Variants in ME2 observed in about 807,000 individuals in gnomAD.
ME2 encodes the protein NAD-dependent malic enzyme, mitochondrial.
In ME2, 60 loss-of-function variants were observed where a neutral mutation model predicts 73.7. That is an observed-to-expected ratio of 0.81 (90% CI 0.66 to 1.01). The LOEUF is 1.01. Among genes scored for constraint, ME2 ranks in the 50% least tolerant of loss-of-function variants. The pLI is 0.00. For missense variants in ME2, 594 were observed against 705.5 expected (o/e 0.84, Z 1.79); for synonymous variants, 199 against 236.9 (o/e 0.84, Z 1.47).
chr18:50,907,290 G>T (rs1303117978), intron 2 of ME2, among the ~76,000 whole-genome samples: 1 of 152,134 alleles, frequency 6.6e-6, no homozygotes, highest in Non-Finnish European at 1.5e-5. Context: ...TAATTGTGAG[G>T]TGTTAGTTTT....
At chr18:50,911,744 A>G (rs1917162489) in intron 3 of ME2, among the ~76,000 whole-genome samples, 1 of 152,212 alleles carries the variant, frequency 6.6e-6, no homozygotes, top group South Asian at 2.1e-4. Context: ...GTAAGTCAAC[A>G]TGAAGAAGAT....
intron 13 of ME2, among the ~76,000 whole-genome samples, chr18:50,938,315 C>A (rs1314516813): frequency 1.6e-4 from 24 of 152,040 alleles, no homozygotes; most frequent in Admixed American, 1.6e-3. Context: ...CAGAGCGAGA[C>A]CCTGTTGCCA....
At chr18:50,891,640 A>G (rs1916607118) in intron 1 of ME2, among the ~76,000 whole-genome samples, 1 of 152,074 alleles carries the variant, frequency 6.6e-6, no homozygotes, top group Non-Finnish European at 1.5e-5. Context: ...CATGATCCCC[A>G]AAAGAATTCA....
intron 13 of ME2, chr18:50,939,358 C>A: frequency 2.2e-6 from 1 of 450,562 alleles, no homozygotes; most frequent in Admixed American, 3.9e-5. Flanking sequence ...CTGAGAAAAG[C>A]CATTTGATAT....
intron 2 of ME2, among the ~76,000 whole-genome samples, chr18:50,899,710 CCA>C (rs1245386389): frequency 6.6e-6 from 1 of 152,218 alleles, no homozygotes; most frequent in East Asian, 1.9e-4. Flanking sequence ...TAATTCCTCA[CCA>C]CACTGGGTGA....
chr18:50,911,356 T>G (rs1329413837), intron 3 of ME2, among the ~76,000 whole-genome samples: 1 of 152,198 alleles, frequency 6.6e-6, no homozygotes, highest in Non-Finnish European at 1.5e-5. Context: ...CGTCTCCTCA[T>G]TTATTCACCA....
At chr18:50,936,441 CAAAG>C (rs1315248492) in intron 13 of ME2, among the ~76,000 whole-genome samples, 1 of 151,932 alleles carries the variant, frequency 6.6e-6, no homozygotes, top group Non-Finnish European at 1.5e-5. Flanking sequence ...GAATGAAAAG[CAAAG>C]AAAGTTATGA....
At chr18:50,945,394 A>T (rs1918060927) in intron 15 of ME2, 1 of 152,260 alleles carries the variant, frequency 6.6e-6, no homozygotes, top group Non-Finnish European at 1.5e-5. Context: ...TGCTGGGATC[A>T]TAGGTGTGAG....
intron 2 of ME2, among the ~76,000 whole-genome samples, chr18:50,904,313 C>G (rs1468824330): frequency 6.7e-6 from 1 of 148,840 alleles, no homozygotes; most frequent in Non-Finnish European, 1.5e-5. Context: ...GAGTCTCACT[C>G]TGTCAGCCAG....
intron 12 of ME2, 56 bp from the exon 13 acceptor site, chr18:50,932,202 C>G: frequency 6.8e-7 from 1 of 1,473,544 alleles, no homozygotes; most frequent in Non-Finnish European, 9.5e-7. Context: ...GAATTCACCT[C>G]AATTTTCTCA....
At chr18:50,941,353 CTTTTTTTTTTTTTTTTTT>C (rs57428974) in intron 15 of ME2, among the ~76,000 whole-genome samples, 4 of 63,848 alleles carry the variant, frequency 6.3e-5, no homozygotes, top group East Asian at 5.3e-4. Flanking sequence ...GTGATGGTTT[CTTTTTTTTTTTTTTTTTT>C]TTTTTTTTTT....
At position 50,918,226 on chromosome 18, in the gene ME2, AG is replaced by A; in HGVS notation, c.734+14del. On this transcript the variant is annotated intron_variant, in intron 7 of 15. Transcript: ENST00000321341. ...CTATTACTGACAGGTATTTTTTAAA[AG>A]TTTGAGTATATGAAAGCACCTTTAA... 1.3e-6 allele frequency: 2 copies of A among 1,573,978 alleles called. No homozygotes were observed. Among genetic ancestry groups the A allele is most frequent in the South Asian group, 2.3e-5 (2 of 87,154 alleles).
rs1918180258 is a variant in ME2 at position 50,949,781 on chromosome 18, C to A, written c.*2597C>A. The stretch of plus-strand genomic sequence containing the variant: ...TATAGCCTGCTTAAATAAAATAATT[C>A]TATTTTTTTAAAAAGCTCCCAATTG... On this transcript the variant is annotated 3_prime_UTR_variant, in exon 16 of 16. Transcript: ENST00000321341. The A allele has an allele frequency of 6.6e-6, 1 of 152,048 alleles. No individual in the cohort carries two copies. Among genetic ancestry groups the A allele is most frequent in the South Asian group, 2.1e-4 (1 of 4,830 alleles). 9.4% of individuals were successfully genotyped at this position (152,048 alleles called of 1,614,324 possible).
At chr18:50,907,567 GATTA>G (rs1347514887) in intron 2 of ME2, among the ~76,000 whole-genome samples, 1 of 152,162 alleles carries the variant, frequency 6.6e-6, no homozygotes, top group Non-Finnish European at 1.5e-5. Flanking sequence ...TTATGACATA[GATTA>G]ATTTTTTCTT....
chr18:50,910,268 C>CAAAAAA (rs74176794), intron 3 of ME2, among the ~76,000 whole-genome samples: 5 of 35,270 alleles, frequency 1.4e-4, no homozygotes, highest in African/African-American at 3.6e-4. Context: ...CCTGTTTCTA[C>CAAAAAA]AAAAAAAAAA....
intron 15 of ME2, among the ~76,000 whole-genome samples, chr18:50,941,499 A>C (rs1917959432): frequency 6.7e-6 from 1 of 148,166 alleles, no homozygotes; most frequent in Admixed American, 6.8e-5. Context: ...TCAGCCTCCC[A>C]AGTAGCTGGG....
chr18:50,902,929 C>A (rs1296221246), intron 2 of ME2, among the ~76,000 whole-genome samples: 1 of 152,224 alleles, frequency 6.6e-6, no homozygotes, highest in African/African-American at 2.4e-5. Context: ...TTTACTGGCC[C>A]CCTAGCATGT....
intron 3 of ME2, among the ~76,000 whole-genome samples, chr18:50,911,907 A>G (rs765159194): frequency 2.6e-5 from 4 of 152,208 alleles, no homozygotes; most frequent in Non-Finnish European, 4.4e-5. Context: ...AGGAAATTGT[A>G]TTTATAAAGA....
chr18:50,926,784 A>C (rs1917563472), intron 12 of ME2, among the ~76,000 whole-genome samples: 1 of 152,060 alleles, frequency 6.6e-6, no homozygotes, highest in Admixed American at 6.5e-5. Flanking sequence ...ATCTGTTGTT[A>C]GGTTCTTAAT....
Sources: allele counts gnomAD v4.1 joint callset (sites outside exome capture counted in the v4.1 genomes callset), GRCh38; gene constraint gnomAD v4.1.1; transcripts MANE v1.5; gene names NCBI Gene and HGNC (gene_info 2026-07-23, HGNC 2026-07-21).